Variants in PEBP4 observed in about 807,000 individuals in gnomAD.
PEBP4 encodes phosphatidylethanolamine binding protein 4.
In PEBP4, 22 loss-of-function variants were observed where a neutral mutation model predicts 23.9. That is an observed-to-expected ratio of 0.92 (90% CI 0.66 to 1.31). The LOEUF is 1.31. PEBP4 is among the 40% of genes most tolerant of loss of function. The probability of loss-of-function intolerance (pLI) is 0.00; values close to 1 mark genes in which losing one functional copy is unlikely to be tolerated. For synonymous variants in PEBP4, 112 were observed against 99.3 expected, an observed-to-expected ratio of 1.13 and a Z score of -0.76; for missense variants, 324 against 281.7, an observed-to-expected ratio of 1.15 and a Z score of -1.07.
At chr8:22,737,488 G>A (rs1415030255) in intron 4 of PEBP4, among the ~76,000 whole-genome samples, 1 of 152,070 alleles carries the variant, frequency 6.6e-6, no homozygotes, top group Non-Finnish European at 1.5e-5. Flanking sequence ...AGTTCACTCA[G>A]ATCCCCGCCC....
chr8:22,841,013 A>G (rs1461381605), intron 3 of PEBP4, among the ~76,000 whole-genome samples: 1 of 152,274 alleles, frequency 6.6e-6, no homozygotes, highest in Non-Finnish European at 1.5e-5. Flanking sequence ...CGAAGAAATA[A>G]TAGCTACCAT....
chr8:22,807,248 C>A (rs1806515563), intron 4 of PEBP4, among the ~76,000 whole-genome samples: 1 of 152,146 alleles, frequency 6.6e-6, no homozygotes, highest in African/African-American at 2.4e-5. Flanking sequence ...AGGTAACAGT[C>A]CGCAGAGGCC....
upstream of PEBP4, among the ~76,000 whole-genome samples, chr8:22,929,017 T>TC (rs200014619): frequency 7.7e-3 from 1,166 of 152,164 alleles, 14 homozygotes; most frequent in African/African-American, 0.027. Flanking sequence ...CAACCAGGAC[T>TC]CCCCCTTGCC....
chr8:22,910,122 G>A (rs2128778642), intron 3 of PEBP4, among the ~76,000 whole-genome samples: 1 of 152,362 alleles, frequency 6.6e-6, no homozygotes, highest in South Asian at 2.1e-4. Flanking sequence ...GATCTTGAGA[G>A]AGTCGTTTTA....
intron 4 of PEBP4, among the ~76,000 whole-genome samples, chr8:22,816,705 T>C (rs1806747680): frequency 1.3e-5 from 2 of 152,166 alleles, no homozygotes; most frequent in Non-Finnish European, 2.9e-5. Context: ...AAACTTTGTT[T>C]TTCTAGTTCC....
At chr8:22,718,168 C>T (rs920435850) in intron 6 of PEBP4, among the ~76,000 whole-genome samples, 7 of 151,850 alleles carry the variant, frequency 4.6e-5, no homozygotes, top group African/African-American at 7.3e-5. Flanking sequence ...AGCAGAGTTT[C>T]GGGGTGGTGA....
intron 1 of PEBP4, among the ~76,000 whole-genome samples, chr8:22,940,209 A>G (rs553448582): frequency 2.0e-5 from 3 of 152,302 alleles, no homozygotes; most frequent in African/African-American, 7.2e-5. Flanking sequence ...TTCTTCCTAT[A>G]TCATGGAAGG....
chr8:22,769,488 ACCTTCCCTG>A (rs1294884178), intron 4 of PEBP4, among the ~76,000 whole-genome samples: 1 of 152,018 alleles, frequency 6.6e-6, no homozygotes, highest in Non-Finnish European at 1.5e-5. Context: ...ATAAGCAAAG[ACCTTCCCTG>A]CTGTGTGCCT....
intron 4 of PEBP4, among the ~76,000 whole-genome samples, chr8:22,746,601 G>T (rs988913739): frequency 2.1e-5 from 3 of 145,862 alleles, no homozygotes; most frequent in African/African-American, 7.7e-5. Context: ...CCCCTCCTTT[G>T]TTCCGCCCTC....
intron 4 of PEBP4, among the ~76,000 whole-genome samples, chr8:22,791,153 G>C (rs1288926401): frequency 6.6e-6 from 1 of 152,070 alleles, no homozygotes; most frequent in Non-Finnish European, 1.5e-5. Flanking sequence ...GACACACACA[G>C]AAAGAACTGG....
intron 3 of PEBP4, among the ~76,000 whole-genome samples, chr8:22,877,361 C>G (rs1482482799): frequency 6.6e-6 from 1 of 152,156 alleles, no homozygotes; most frequent in Non-Finnish European, 1.5e-5. Flanking sequence ...CAGAATCAAA[C>G]CAACCTCCTG....
In PEBP4 at chr8:22,742,873, G is replaced by A. The variant is rs570364491; in HGVS notation, c.358-15653C>T. On this transcript the variant is annotated intron_variant, in intron 4 of 6. Transcript: ENST00000256404. ...GCTAGGTGCCAAGTGCGGTGTCCCT[G>A]TATGGGGCGGCTTGCAGTCTGGCAG... 4.6e-5 allele frequency among the ~76,000 whole-genome samples: 7 copies of A among 152,352 alleles called. No homozygotes were observed. The East Asian group carries it at 1.3e-3, about 29-fold the overall frequency.
At chr8:22,875,911 C>T (rs1244587936) in intron 3 of PEBP4, among the ~76,000 whole-genome samples, 1 of 152,054 alleles carries the variant, frequency 6.6e-6, no homozygotes, top group Non-Finnish European at 1.5e-5. Context: ...TCAGATGTCA[C>T]CTGTTCTTTT....
chr8:22,827,833 A>G (rs1276513181), intron 3 of PEBP4, among the ~76,000 whole-genome samples: 1 of 152,176 alleles, frequency 6.6e-6, no homozygotes, highest in African/African-American at 2.4e-5. Flanking sequence ...TGGTTGCTCC[A>G]TTTTACAATT....
intron 3 of PEBP4, among the ~76,000 whole-genome samples, chr8:22,915,111 G>A (rs564390157): frequency 1.1e-4 from 16 of 152,020 alleles, no homozygotes; most frequent in South Asian, 2.1e-4. Context: ...TGGGTTCCAC[G>A]TCCTTAACAC....
At chr8:22,780,995 C>T (rs1031672791) in intron 4 of PEBP4, among the ~76,000 whole-genome samples, 4 of 152,292 alleles carry the variant, frequency 2.6e-5, no homozygotes, top group South Asian at 2.1e-4. Flanking sequence ...AAAGAGACTC[C>T]GTAACTTGTG....
chr8:22,791,284 T>G (rs1175299107), intron 4 of PEBP4, among the ~76,000 whole-genome samples: 1 of 152,088 alleles, frequency 6.6e-6, no homozygotes, highest in Non-Finnish European at 1.5e-5. Flanking sequence ...TTGTCTCCGG[T>G]CCTGCAGTCT....
chr8:22,738,977 G>T (rs1804930953), intron 4 of PEBP4, among the ~76,000 whole-genome samples: 2 of 152,212 alleles, frequency 1.3e-5, no homozygotes, highest in Admixed American at 6.5e-5. Flanking sequence ...TTGGGAAGGG[G>T]TTGGTGGCCA....
chr8:22,792,466 G>A (rs1465117952), intron 4 of PEBP4, among the ~76,000 whole-genome samples: 3 of 151,996 alleles, frequency 2.0e-5, no homozygotes, highest in Non-Finnish European at 4.4e-5. Context: ...ATCGGTCCGT[G>A]TCCTTGGTCA....
Sources: gnomAD v4.1 joint callset for allele counts (sites outside exome capture counted in the v4.1 genomes callset) on GRCh38, gnomAD v4.1.1 for gene constraint, MANE v1.5 for transcripts, NCBI Gene and HGNC (gene_info 2026-07-23, HGNC 2026-07-21) for gene names.